The following CD33 variants were observed in gnomAD, a reference collection of about 807,000 sequenced individuals.
CD33 encodes CD33 molecule, also known as myeloid cell surface antigen CD33.
A neutral mutation model predicts 31.4 loss-of-function variants in CD33; 25 were observed. The ratio of observed to expected loss-of-function variants is 0.80; its 90% CI spans 0.58 to 1.11. The LOEUF is 1.11. CD33 is among the 50% of genes most tolerant of loss of function. The probability of loss-of-function intolerance (pLI) is 0.00; values close to 1 mark genes in which losing one functional copy is unlikely to be tolerated. For synonymous variants in CD33, 176 were observed against 180.6 expected (o/e 0.97, Z 0.20); for missense variants, 407 against 448.1 (o/e 0.91, Z 0.83).
At chr19:51,234,009 C>G (rs182104931) in intron 4 of CD33, among the ~76,000 whole-genome samples, 1 of 152,100 alleles carries the variant, frequency 6.6e-6, no homozygotes, top group Non-Finnish European at 1.5e-5. Flanking sequence ...CAGGCACCTC[C>G]GGTGAGCCAT....
chr19:51,239,531 A>G lies in CD33; in HGVS notation c.938A>G (p.Lys313Arg). 1 of 1,607,560 alleles carries G rather than the reference A, an allele frequency of 6.2e-7. No individual in the cohort carries two copies. Among genetic ancestry groups the G allele is most frequent in the Non-Finnish European group, 8.5e-7 (1 of 1,176,996 alleles). ...CCTCTCCATAAGAAACACCAGAAGAAGTCCAAGTTACATGGCCCCACTGAA... is the reference window on the plus strand; with the variant it reads ...CCTCTCCATAAGAAACACCAGAAGAGGTCCAAGTTACATGGCCCCACTGAA... ...TGSASPKHQK[K>R]SKLHGPTETS... The change falls in exon 7 of 7, where the codon AAG (lysine) becomes AGG (arginine). Residue 313 changes from lysine to arginine, a missense_variant. Lys to Arg is a conservative substitution (Grantham distance 26, BLOSUM62 2). Coordinates refer to ENST00000262262, the MANE Select transcript of CD33 (RefSeq NM_001772.4).
the CD33 span, chr19:51,211,533 G>C: frequency 6.5e-7 from 1 of 1,528,382 alleles, no homozygotes; most frequent in Non-Finnish European, 8.8e-7. Context: ...TTCGGATGGA[G>C]AGAGGAAGTA....
chr19:51,232,378 G>C (rs1412193868), intron 4 of CD33, among the ~76,000 whole-genome samples: 5 of 152,184 alleles, frequency 3.3e-5, no homozygotes, highest in Non-Finnish European at 7.3e-5. Context: ...ATGAGCTTTG[G>C]AGAGGACTTG....
upstream of CD33, among the ~76,000 whole-genome samples, chr19:51,224,903 C>A (rs977633545): frequency 6.6e-6 from 1 of 152,176 alleles, no homozygotes; most frequent in Admixed American, 6.5e-5. Flanking sequence ...CATCTCCTCC[C>A]ATCTCTGGGC....
the CD33 span, among the ~76,000 whole-genome samples, chr19:51,215,122 A>T: frequency 1.3e-5 from 2 of 152,158 alleles, no homozygotes; most frequent in Admixed American, 6.5e-5. Flanking sequence ...CACCTTCCTC[A>T]GGTGAGCACT....
At chr19:51,229,203 T>A (rs568404586) in intron 4 of CD33, among the ~76,000 whole-genome samples, 3 of 152,384 alleles carry the variant, frequency 2.0e-5, no homozygotes, top group Admixed American at 1.3e-4. Context: ...TTTATTGATT[T>A]GCATATGTTG....
chr19:51,239,481 C>T (rs752440532), intron 6 of CD33, 37 bp from the exon 7 acceptor site: 12 of 1,487,626 alleles, frequency 8.1e-6, no homozygotes, highest in Middle Eastern at 1.8e-4. Flanking sequence ...CCCCTCCTCA[C>T]TGCCCTGCTC....
chr19:51,216,821 C>G, the CD33 span, among the ~76,000 whole-genome samples: 1 of 152,072 alleles, frequency 6.6e-6, no homozygotes, highest in Non-Finnish European at 1.5e-5. Context: ...ATCTCTGTAC[C>G]TGATGATGGG....
chr19:51,235,786 C>T, intron 6 of CD33, 110 bp downstream of exon 6: 1 of 920,420 alleles, frequency 1.1e-6, no homozygotes, highest in Non-Finnish European at 1.8e-6. Context: ...TATTGTCTTT[C>T]CTCCTGTTTA....
the CD33 span, chr19:51,212,090 G>A: frequency 8.7e-6 from 6 of 692,108 alleles, no homozygotes; most frequent in Admixed American, 4.3e-5. Flanking sequence ...GGGCCAGGAC[G>A]CCTGGGTCCC....
chr19:51,236,116 C>G (rs1401408706), intron 6 of CD33: 3 of 439,388 alleles, frequency 6.8e-6, no homozygotes, highest in Non-Finnish European at 1.3e-5. Context: ...CGACATAGCA[C>G]CACTGCACTC....
rs1783602524 is a variant in CD33, at chr19:51,228,141, A to C, written c.745+1785A>C. ...CAGCTTTGTAGTTTTGAAATCTTTA[A>C]ATTTTTGAAATTTTGAAATTTTCTA... On this transcript the variant is annotated intron_variant, in intron 4 of 6. Coordinates refer to ENST00000262262, the MANE Select transcript of CD33 (RefSeq NM_001772.4). Among the ~76,000 whole-genome samples the C allele has an allele frequency of 2.0e-5, 3 of 152,092 alleles. No individual in the cohort carries two copies. In the South Asian group the frequency reaches 6.2e-4, roughly 32 times the overall value.
intron 4 of CD33, among the ~76,000 whole-genome samples, chr19:51,228,718 C>T (rs989572378): frequency 3.9e-5 from 6 of 152,024 alleles, no homozygotes; most frequent in Non-Finnish European, 8.8e-5. Context: ...TGGAATTTCA[C>T]CATGTTGGCC....
At chr19:51,216,330 C>A in the CD33 span, among the ~76,000 whole-genome samples, 1 of 151,280 alleles carries the variant, frequency 6.6e-6, no homozygotes, top group Non-Finnish European at 1.5e-5. Flanking sequence ...TCTTTGGTAA[C>A]TATACTGAAC....
At chr19:51,220,578 T>C (rs1221485106), upstream of CD33, among the ~76,000 whole-genome samples, 2 of 152,204 alleles carry the variant, frequency 1.3e-5, no homozygotes, top group Non-Finnish European at 2.9e-5. Flanking sequence ...CTCTTGTGAT[T>C]AGATGTAAGG....
chr19:51,222,586 AT>A (rs1199425991), upstream of CD33, among the ~76,000 whole-genome samples: 1 of 152,236 alleles, frequency 6.6e-6, no homozygotes, highest in Non-Finnish European at 1.5e-5. Context: ...GTTTCAAAAA[AT>A]ATTATGCTGG....
In CD33 at chr19:51,225,350, A is replaced by G. The variant is rs754116392; in HGVS notation, c.170A>G (p.His57Arg). The change falls in exon 2 of 7, where the codon CAT becomes CGT. Residue 57 changes from histidine to arginine, a missense_variant. Transcript: ENST00000262262. Reference protein sequence around the residue: ...IPYYDKNSPVHGYWFREGAII... With the variant: ...IPYYDKNSPVRGYWFREGAII... ...TACTACGACAAGAACTCCCCAGTTC[A>G]TGGTTACTGGTTCCGGGAAGGAGCC... The G allele has an allele frequency of 5.6e-6, 9 of 1,614,206 alleles. No homozygotes were observed. In the East Asian group the frequency reaches 2.0e-4, roughly 36 times the overall value.
chr19:51,220,282 T>A (rs987431970), upstream of CD33, among the ~76,000 whole-genome samples: 2 of 152,336 alleles, frequency 1.3e-5, no homozygotes, highest in African/African-American at 2.4e-5. Flanking sequence ...CCAGGAAAAG[T>A]TCCTCTCCAT....
At chr19:51,235,084 A>G in intron 4 of CD33, 73 bp from the exon 5 acceptor site, 5 of 1,255,992 alleles carry the variant, frequency 4.0e-6, no homozygotes, top group Non-Finnish European at 4.7e-6. Context: ...ACCCCTCTCT[A>G]CATGCTGGAG....
Sources: gnomAD v4.1 joint callset for allele counts (sites outside exome capture counted in the v4.1 genomes callset) on GRCh38, gnomAD v4.1.1 for gene constraint, MANE v1.5 for transcripts, NCBI Gene and HGNC (gene_info 2026-07-23, HGNC 2026-07-21) for gene names.